Variants in RIT2 observed in about 807,000 individuals in gnomAD.
RIT2 encodes GTP-binding protein Rit2.
A neutral mutation model predicts 23.7 loss-of-function variants in RIT2; 24 were observed. The ratio of observed to expected loss-of-function variants is 1.01; its 90% CI spans 0.73 to 1.43. The LOEUF (loss-of-function observed/expected upper bound fraction) is 1.43, where lower values mean the gene tolerates loss of function less well. RIT2 is among the 40% of genes most tolerant of loss of function. The pLI is 0.00. For missense variants in RIT2, 236 were observed against 266.9 expected (o/e 0.88, Z 0.81); for synonymous variants, 107 against 91.1 (o/e 1.17, Z -0.99).
At chr18:42,838,491 G>A (rs1906677731) in intron 4 of RIT2, among the ~76,000 whole-genome samples, 1 of 152,012 alleles carries the variant, frequency 6.6e-6, no homozygotes, top group Admixed American at 6.6e-5. Context: ...CTGGCTGTAT[G>A]TCATGTAATA....
At chr18:42,991,639 C>A (rs1415512319) in intron 2 of RIT2, among the ~76,000 whole-genome samples, 1 of 144,048 alleles carries the variant, frequency 6.9e-6, no homozygotes, top group African/African-American at 2.5e-5. Flanking sequence ...TAACTGATGA[C>A]ATTCCACCAC....
intron 4 of RIT2, among the ~76,000 whole-genome samples, chr18:42,840,504 C>CT (rs1211310730): frequency 2.0e-5 from 3 of 152,052 alleles, no homozygotes; most frequent in Non-Finnish European, 4.4e-5. Flanking sequence ...TTGCTTTTAA[C>CT]TTTTTTATTT....
At chr18:42,970,172 T>G (rs768087452) in intron 3 of RIT2, among the ~76,000 whole-genome samples, 7 of 152,042 alleles carry the variant, frequency 4.6e-5, no homozygotes, top group Non-Finnish European at 7.4e-5. Context: ...ACGTATGTAA[T>G]GAGTAATTTT....
At chr18:42,796,861 A>C (rs1178299400) in intron 4 of RIT2, among the ~76,000 whole-genome samples, 4 of 152,220 alleles carry the variant, frequency 2.6e-5, no homozygotes, top group Non-Finnish European at 5.9e-5. Context: ...CTTAATACCT[A>C]ACTATAGTTC....
intron 1 of RIT2, among the ~76,000 whole-genome samples, chr18:43,073,575 T>C (rs529821714): frequency 2.0e-5 from 3 of 152,332 alleles, no homozygotes; most frequent in African/African-American, 7.2e-5. Flanking sequence ...CCTGCCTGAT[T>C]ATCTAAGCCT....
intron 4 of RIT2, among the ~76,000 whole-genome samples, chr18:42,912,199 C>T (rs185178707): frequency 4.6e-5 from 7 of 151,036 alleles, no homozygotes; most frequent in Middle Eastern, 3.4e-3. Flanking sequence ...ATATCATTTA[C>T]TACAGAAAAA....
chr18:42,904,205 C>T (rs576106555), intron 4 of RIT2, among the ~76,000 whole-genome samples: 1 of 152,106 alleles, frequency 6.6e-6, no homozygotes, highest in South Asian at 2.1e-4. Flanking sequence ...GCATCATAAA[C>T]CAAATAAATG....
chr18:42,868,610 A>G (rs963312533), intron 4 of RIT2, among the ~76,000 whole-genome samples: 1 of 152,204 alleles, frequency 6.6e-6, no homozygotes, highest in African/African-American at 2.4e-5. Flanking sequence ...CTAAATCAAT[A>G]AATACTTGTT....
chr18:42,950,316 A>G (rs1052657957), intron 3 of RIT2, among the ~76,000 whole-genome samples: 21 of 152,108 alleles, frequency 1.4e-4, no homozygotes, highest in African/African-American at 4.1e-4. Flanking sequence ...TATTCAATAA[A>G]TGGTGCTGAG....
intron 1 of RIT2, among the ~76,000 whole-genome samples, chr18:43,040,379 C>G (rs1192868804): frequency 6.6e-6 from 1 of 152,110 alleles, no homozygotes; most frequent in Non-Finnish European, 1.5e-5. Context: ...GCTGAACAAG[C>G]TTTTGGTGTC....
At chr18:43,093,104 C>G (rs1913464075) in intron 1 of RIT2, among the ~76,000 whole-genome samples, 2 of 151,990 alleles carry the variant, frequency 1.3e-5, no homozygotes, top group South Asian at 4.1e-4. Flanking sequence ...AACAGAGAAA[C>G]TTCTTGAAAA....
At chr18:42,974,402 A>G (rs1010905442) in intron 2 of RIT2, among the ~76,000 whole-genome samples, 1 of 151,992 alleles carries the variant, frequency 6.6e-6, no homozygotes, top group Non-Finnish European at 1.5e-5. Context: ...GATGTTACCT[A>G]GAGAAAAACA....
chr18:42,855,630 C>T (rs531438), intron 4 of RIT2, among the ~76,000 whole-genome samples: 36,865 of 152,092 alleles, frequency 0.24, 5,525 homozygotes, highest in African/African-American at 0.41. Context: ...TGGTTTTCCT[C>T]AGATTACTTA....
chr18:42,924,396 T>C (rs1909130967), intron 3 of RIT2, among the ~76,000 whole-genome samples: 1 of 152,036 alleles, frequency 6.6e-6, no homozygotes. Context: ...AGGATCTGGA[T>C]TGCTGAGGGA....
intron 4 of RIT2, among the ~76,000 whole-genome samples, chr18:42,809,951 C>T (rs141573897): frequency 0.074 from 10,132 of 136,146 alleles, 1,167 homozygotes; most frequent in African/African-American, 0.25. Context: ...ATATGATATA[C>T]ATAATTTGTA....
At chr18:43,028,101 A>T (rs1598753258) in intron 2 of RIT2, among the ~76,000 whole-genome samples, 1 of 152,112 alleles carries the variant, frequency 6.6e-6, no homozygotes, top group African/African-American at 2.4e-5. Context: ...CTTTTAATTC[A>T]GAATTGAATA....
chr18:43,059,174 G>A (rs1912581800), intron 1 of RIT2, among the ~76,000 whole-genome samples: 1 of 151,846 alleles, frequency 6.6e-6, no homozygotes, highest in African/African-American at 2.4e-5. Flanking sequence ...AGTATTTATT[G>A]AGGACATACA....
At chr18:42,934,196 T>C (rs1909399504) in intron 3 of RIT2, among the ~76,000 whole-genome samples, 1 of 152,224 alleles carries the variant, frequency 6.6e-6, no homozygotes, top group Admixed American at 6.5e-5. Flanking sequence ...GTTTGTTCTA[T>C]ATTATTTCAA....
chr18:42,872,234 G>A (rs1266781204), intron 4 of RIT2, among the ~76,000 whole-genome samples: 2 of 152,164 alleles, frequency 1.3e-5, no homozygotes, highest in Non-Finnish European at 2.9e-5. Context: ...TCGATTGGCT[G>A]ATATGGCTTA....
Sources: gnomAD v4.1 joint callset for allele counts (sites outside exome capture counted in the v4.1 genomes callset) on GRCh38, gnomAD v4.1.1 for gene constraint, MANE v1.5 for transcripts, NCBI Gene and HGNC (gene_info 2026-07-23, HGNC 2026-07-21) for gene names.